The following ARHGAP24 variants were observed in gnomAD, a reference collection of about 807,000 sequenced individuals.
The protein encoded by ARHGAP24 is Rho GTPase activating protein 24.
In ARHGAP24, 50 loss-of-function variants were observed where a neutral mutation model predicts 76.4. That is an observed-to-expected ratio of 0.65 (90% CI 0.52 to 0.83). The LOEUF (loss-of-function observed/expected upper bound fraction) is 0.83. Among genes scored for constraint, ARHGAP24 ranks in the 40% least tolerant of loss-of-function variants. The pLI is 0.00. For missense variants in ARHGAP24, 930 were observed against 914.2 expected, an observed-to-expected ratio of 1.02 and a Z score of -0.22; for synonymous variants, 345 against 323.3, an observed-to-expected ratio of 1.07 and a Z score of -0.72.
At chr4:85,685,265 G>A (rs1723373363) in intron 2 of ARHGAP24, among the ~76,000 whole-genome samples, 1 of 152,058 alleles carries the variant, frequency 6.6e-6, no homozygotes, top group Non-Finnish European at 1.5e-5. Flanking sequence ...CAAACACTCT[G>A]CCACTAATCA....
chr4:85,493,464 G>A (rs1723438058), intron 1 of ARHGAP24, among the ~76,000 whole-genome samples: 1 of 152,152 alleles, frequency 6.6e-6, no homozygotes, highest in South Asian at 2.1e-4. Flanking sequence ...AATTATTTAT[G>A]TATATCAGTA....
rs1322177890 is a variant in ARHGAP24, at chr4:85,768,048, A to G, written c.268+46076A>G. ...CAAAGAGACTGGCCCTCACAGTCTCAGAACAAAAATAGACTGTTTATATGC... is the reference window on the plus strand; with the variant it reads ...CAAAGAGACTGGCCCTCACAGTCTCGGAACAAAAATAGACTGTTTATATGC... On this transcript the variant is annotated intron_variant, in intron 3 of 9. Transcript: ENST00000395184. Among the ~76,000 whole-genome samples the G allele has an allele frequency of 3.3e-5, 5 of 152,354 alleles. No individual in the cohort carries two copies. In the South Asian group the frequency reaches 1.0e-3, roughly 32 times the overall value.
At chr4:85,727,912 A>C (rs1382562619) in intron 3 of ARHGAP24, among the ~76,000 whole-genome samples, 8 of 152,190 alleles carry the variant, frequency 5.3e-5, no homozygotes, top group African/African-American at 1.9e-4. Flanking sequence ...TGAACACAAA[A>C]GACAAGGGGA....
intron 1 of ARHGAP24, among the ~76,000 whole-genome samples, chr4:85,563,916 G>T (rs938076091): frequency 2.0e-5 from 3 of 152,100 alleles, no homozygotes; most frequent in African/African-American, 7.2e-5. Flanking sequence ...AAATATTTAG[G>T]ACACTAAAAG....
chr4:85,972,003 C>G (rs1739013546), intron 5 of ARHGAP24, 33 bp from the exon 6 acceptor site: 2 of 1,613,738 alleles, frequency 1.2e-6, no homozygotes, highest in Non-Finnish European at 1.7e-6. Context: ...GAAGTTTACT[C>G]CAAAGAATAT....
At chr4:85,801,950 T>A (rs17010961) in intron 3 of ARHGAP24, among the ~76,000 whole-genome samples, 21,084 of 152,252 alleles carry the variant, frequency 0.14, 1,583 homozygotes, top group South Asian at 0.19. Context: ...CTCCATGAAA[T>A]TAAGATACAT....
chr4:85,730,986 G>GCACACACA (rs200255967), intron 3 of ARHGAP24, among the ~76,000 whole-genome samples: 15 of 133,940 alleles, frequency 1.1e-4, no homozygotes, highest in African/African-American at 2.5e-4. Flanking sequence ...TAATATAACT[G>GCACACACA]CACACACACA....
At chr4:85,678,205 C>A (rs1478070747) in intron 2 of ARHGAP24, among the ~76,000 whole-genome samples, 2 of 152,026 alleles carry the variant, frequency 1.3e-5, no homozygotes, top group Non-Finnish European at 2.9e-5. Flanking sequence ...CCCATCTCTA[C>A]AAAAAGTAAA....
At chr4:85,694,464 A>G (rs1375246735) in intron 2 of ARHGAP24, among the ~76,000 whole-genome samples, 1 of 152,184 alleles carries the variant, frequency 6.6e-6, no homozygotes, top group Admixed American at 6.5e-5. Context: ...CCAAGCATCT[A>G]GAGCAGCACA....
intron 2 of ARHGAP24, among the ~76,000 whole-genome samples, chr4:85,690,785 C>A (rs1462586251): frequency 1.4e-5 from 2 of 147,902 alleles, no homozygotes; most frequent in African/African-American, 2.5e-5. Flanking sequence ...TTCATGGAAC[C>A]AACTCTTGGT....
At chr4:85,928,506 G>C (rs1336919671) in intron 4 of ARHGAP24, among the ~76,000 whole-genome samples, 1 of 152,128 alleles carries the variant, frequency 6.6e-6, no homozygotes, top group East Asian at 1.9e-4. Context: ...TGTCCAGGCT[G>C]GAGTGCAATG....
intron 2 of ARHGAP24, among the ~76,000 whole-genome samples, chr4:85,605,104 G>A (rs1464076069): frequency 2.6e-5 from 4 of 152,130 alleles, no homozygotes; most frequent in African/African-American, 9.7e-5. Context: ...ACTCTAAAGT[G>A]TTAATGGTTA....
intron 3 of ARHGAP24, among the ~76,000 whole-genome samples, chr4:85,734,477 A>G (rs1366851614): frequency 6.6e-6 from 1 of 152,164 alleles, no homozygotes; most frequent in Non-Finnish European, 1.5e-5. Flanking sequence ...AGAGGCAGAA[A>G]GCCAAAGGGA....
chr4:85,968,067 A>C (rs1401511696), intron 5 of ARHGAP24, among the ~76,000 whole-genome samples: 1 of 152,078 alleles, frequency 6.6e-6, no homozygotes, highest in Non-Finnish European at 1.5e-5. Context: ...TTAGGTTTTC[A>C]CTTTGTTTTT....
chr4:85,686,719 T>C (rs1164226998), intron 2 of ARHGAP24: 3 of 152,138 alleles, frequency 2.0e-5, no homozygotes, highest in Non-Finnish European at 4.4e-5. Flanking sequence ...GAAATACAAA[T>C]ACACTTGTGA....
intron 3 of ARHGAP24, among the ~76,000 whole-genome samples, chr4:85,750,384 G>A (rs1190615264): frequency 6.6e-6 from 1 of 150,516 alleles, no homozygotes; most frequent in East Asian, 2.0e-4. Flanking sequence ...GGGTCAAGAT[G>A]ACTTGTTATC....
intron 8 of ARHGAP24, among the ~76,000 whole-genome samples, chr4:85,994,128 G>A (rs1740502653): frequency 6.6e-6 from 1 of 152,126 alleles, no homozygotes; most frequent in Admixed American, 6.6e-5. Flanking sequence ...TATCTTGATA[G>A]TTTGAGGCAA....
chr4:85,582,153 G>A (rs573351541), intron 2 of ARHGAP24, among the ~76,000 whole-genome samples: 3 of 152,022 alleles, frequency 2.0e-5, no homozygotes, highest in South Asian at 2.1e-4. Flanking sequence ...TGAGACACTC[G>A]ATCTTTAGAG....
intron 8 of ARHGAP24, among the ~76,000 whole-genome samples, chr4:85,984,941 C>T (rs1739891268): frequency 2.0e-5 from 3 of 152,100 alleles, no homozygotes; most frequent in Admixed American, 6.5e-5. Flanking sequence ...CCTGCCTGGG[C>T]TTCCTGAGTA....
Sources: gnomAD v4.1 joint callset for allele counts (sites outside exome capture counted in the v4.1 genomes callset) on GRCh38, gnomAD v4.1.1 for gene constraint, MANE v1.5 for transcripts, NCBI Gene and HGNC (gene_info 2026-07-23, HGNC 2026-07-21) for gene names.